CAPS2: variants seen among roughly 807,000 people sequenced by gnomAD.
CAPS2 encodes calcyphosin-2.
In CAPS2, 98 loss-of-function variants were observed where a neutral mutation model predicts 86.5. The ratio of observed to expected loss-of-function variants is 1.13; its 90% CI spans 0.96 to 1.34. CAPS2 has a LOEUF of 1.34. Ranked by LOEUF, CAPS2 falls within the 40% of genes most tolerant of loss-of-function variation. The pLI, the probability that CAPS2 is intolerant of heterozygous loss-of-function variation, is 0.00. For missense variants in CAPS2, 729 were observed against 686.8 expected, an observed-to-expected ratio of 1.06 and a Z score of -0.69; for synonymous variants, 210 against 225.1, an observed-to-expected ratio of 0.93 and a Z score of 0.60.
chr12:75,297,476 T>C (rs995638609), intron 11 of CAPS2, among the ~76,000 whole-genome samples: 2 of 152,216 alleles, frequency 1.3e-5, no homozygotes, highest in African/African-American at 2.4e-5. Flanking sequence ...CATTTGCTTA[T>C]TCAGGTTGCC....
intron 11 of CAPS2, among the ~76,000 whole-genome samples, chr12:75,295,941 A>C (rs1211773752): frequency 6.6e-6 from 1 of 152,194 alleles, no homozygotes; most frequent in Non-Finnish European, 1.5e-5. Context: ...TATAAAGAAA[A>C]AACTACCAGA....
intron 9 of CAPS2, 90 bp downstream of exon 9, chr12:75,299,747 C>T (rs1280889346): frequency 5.3e-6 from 3 of 567,878 alleles, no homozygotes; most frequent in South Asian, 2.8e-5. Flanking sequence ...TGACACAAAC[C>T]TATATAATCT....
Position 75,299,917 on chromosome 12 carries a change from A to G in CAPS2, c.780-6T>C. The G allele has an allele frequency of 7.9e-7, 1 of 1,261,440 alleles. No homozygotes were observed. The highest frequency in any genetic ancestry group is 1.1e-6 in the Non-Finnish European group (1 of 918,994). The allele number at this position is 1,261,440 out of a possible 1,614,324, so 78.1% of individuals were successfully genotyped here. Reference sequence around the variant, plus strand: ...ATGTAGAATGAGTTCTTATCCTGTTAAGAAATACATTTTGTCAGTAATTTT... The same window carrying G: ...ATGTAGAATGAGTTCTTATCCTGTTGAGAAATACATTTTGTCAGTAATTTT... On this transcript the variant is annotated splice_polypyrimidine_tract_variant and splice_region_variant and intron_variant, in intron 8 of 16. Transcript: ENST00000393284.
At chr12:75,328,735 T>C (rs906827099), upstream of CAPS2, among the ~76,000 whole-genome samples, 2 of 152,252 alleles carry the variant, frequency 1.3e-5, no homozygotes, top group Non-Finnish European at 2.9e-5. Flanking sequence ...TAGTCTTTAA[T>C]GCTAGACTGT....
chr12:75,384,591 C>A (rs147475666), intron 1 of CAPS2, among the ~76,000 whole-genome samples: 2 of 152,090 alleles, frequency 1.3e-5, no homozygotes, highest in African/African-American at 2.4e-5. Context: ...AAAAAGTGAT[C>A]GATTCTGTAT....
At chr12:75,324,774 A>G (rs2040611503) in intron 2 of CAPS2, among the ~76,000 whole-genome samples, 5 of 152,110 alleles carry the variant, frequency 3.3e-5, no homozygotes, top group Admixed American at 3.3e-4. Context: ...AAAAGTCAAA[A>G]TAACATGCAA....
At chr12:75,285,589 A>T (rs989291587) in intron 14 of CAPS2, among the ~76,000 whole-genome samples, 1 of 151,826 alleles carries the variant, frequency 6.6e-6, no homozygotes, top group Admixed American at 6.6e-5. Flanking sequence ...CCTTCTGACC[A>T]ATTTTCCATT....
chr12:75,300,400 C>CA (rs1385728735), intron 8 of CAPS2, among the ~76,000 whole-genome samples: 3 of 151,430 alleles, frequency 2.0e-5, no homozygotes, highest in South Asian at 2.1e-4. Flanking sequence ...CTAAAAATTA[C>CA]AAAAAATTAG....
At chr12:75,286,018 G>C (rs974638999) in intron 14 of CAPS2, among the ~76,000 whole-genome samples, 1 of 151,908 alleles carries the variant, frequency 6.6e-6, no homozygotes, top group Non-Finnish European at 1.5e-5. Context: ...TTCTAACACA[G>C]TTTTCCTTGA....
At chr12:75,286,279 TATC>T (rs2034851054) in intron 14 of CAPS2, among the ~76,000 whole-genome samples, 1 of 152,008 alleles carries the variant, frequency 6.6e-6, no homozygotes, top group African/African-American at 2.4e-5. Flanking sequence ...CATCTTTGTC[TATC>T]ATAATGTACT....
chr12:75,386,300 C>G (rs1442356320), intron 1 of CAPS2, among the ~76,000 whole-genome samples: 1 of 152,152 alleles, frequency 6.6e-6, no homozygotes, highest in East Asian at 1.9e-4. Flanking sequence ...GCTGCTATCA[C>G]AGAATATCTG....
chr12:75,343,654 C>CT, intron 1 of CAPS2: 1 of 1,457,668 alleles, frequency 6.9e-7, no homozygotes, highest in Non-Finnish European at 9.3e-7. Context: ...AATGCAAATA[C>CT]TTATGCACAA....
At chr12:75,289,551 G>T (rs1328223924) in intron 14 of CAPS2, 70 bp downstream of exon 14, 2 of 1,361,452 alleles carry the variant, frequency 1.5e-6, no homozygotes, top group East Asian at 2.3e-5. Context: ...TAAAATTTCA[G>T]TAGAACAGTG....
At chr12:75,294,840 C>T (rs2036607614) in intron 11 of CAPS2, among the ~76,000 whole-genome samples, 1 of 151,874 alleles carries the variant, frequency 6.6e-6, no homozygotes, top group African/African-American at 2.4e-5. Context: ...GGCAAGTTTA[C>T]AAGAGAATAG....
chr12:75,311,167 G>A (rs568629942), intron 7 of CAPS2, among the ~76,000 whole-genome samples: 65 of 152,084 alleles, frequency 4.3e-4, no homozygotes, highest in Non-Finnish European at 7.5e-4. Flanking sequence ...ACGGGGTGCC[G>A]GGTTGAAAAT....
intron 7 of CAPS2, among the ~76,000 whole-genome samples, chr12:75,309,207 C>CA (rs775861828): frequency 2.0e-4 from 30 of 151,712 alleles, no homozygotes; most frequent in Admixed American, 9.9e-4. Flanking sequence ...GAGAAGAAAA[C>CA]AAAAAAAACA....
chr12:75,344,467 A>G (rs988522231), intron 1 of CAPS2, among the ~76,000 whole-genome samples: 3 of 152,056 alleles, frequency 2.0e-5, no homozygotes, highest in Non-Finnish European at 4.4e-5. Context: ...ATCTCTACAA[A>G]TTTAATATTT....
intron 2 of CAPS2, among the ~76,000 whole-genome samples, chr12:75,323,564 A>G (rs943002067): frequency 2.0e-5 from 3 of 152,038 alleles, no homozygotes; most frequent in Non-Finnish European, 2.9e-5. Flanking sequence ...ACCAACATGG[A>G]GAAACTCTGT....
chr12:75,338,882 G>C (rs980661121), intron 1 of CAPS2, among the ~76,000 whole-genome samples: 12 of 152,158 alleles, frequency 7.9e-5, no homozygotes, highest in Admixed American at 5.2e-4. Flanking sequence ...TTAGTTTGCT[G>C]AGGATAATAG....
Sources: gnomAD v4.1 joint callset for allele counts (sites outside exome capture counted in the v4.1 genomes callset) on GRCh38, gnomAD v4.1.1 for gene constraint, MANE v1.5 for transcripts, NCBI Gene and HGNC (gene_info 2026-07-23, HGNC 2026-07-21) for gene names.